The following SCAP variants were observed in gnomAD, a reference collection of about 807,000 sequenced individuals.
The protein encoded by SCAP is sterol regulatory element-binding protein cleavage-activating protein.
SCAP carries 65 observed loss-of-function variants against 123.6 expected under a neutral mutation model. That is an observed-to-expected ratio of 0.53 (90% CI 0.43 to 0.65). SCAP has a LOEUF of 0.65. SCAP is among the 30% of genes least tolerant of loss of function. The pLI, the probability that SCAP is intolerant of heterozygous loss-of-function variation, is 0.00. For missense variants in SCAP, 1,398 were observed against 1,712.5 expected (o/e 0.82, Z 3.24); for synonymous variants, 740 against 726.3 (o/e 1.02, Z -0.30).
chr3:47,469,957 C>T lies in SCAP; in HGVS notation c.-99+5842G>A, dbSNP rs150740890. 896 of 368,446 alleles carry T rather than the reference C, an allele frequency of 2.4e-3. 9 individuals carry two copies. Among genetic ancestry groups the T allele is most frequent in the African/African-American group, 0.018 (847 of 46,216 alleles). 22.8% of individuals were successfully genotyped at this position (368,446 alleles called of 1,614,324 possible). On this transcript the variant is annotated intron_variant, in intron 1 of 22. Coordinates refer to ENST00000265565, the MANE Select transcript of SCAP (RefSeq NM_012235.4). ...AGCTCTACTATTGTGAAGAGAGAAG[C>T]GGTTTTGAAAGAAATGCTTTTAAAT...
rs1467017180 is a variant in SCAP at position 47,418,775 on chromosome 3, C to T, written c.2009G>A (p.Arg670Gln). ...GGCACTGCGGCCGTCCTGAGGGTGC[C>T]GGCCCTCCAGAGCCTCCCTCGGGTT... is the stretch of plus-strand genomic sequence containing the variant. ...RLNPREALEG[R>Q]HPQDGRSAWP... The change falls in exon 14 of 23, where the codon CGG becomes CAG. Residue 670 changes from arginine (R) to glutamine (Q), a missense_variant. By Grantham distance (43) the Arg-to-Gln change is conservative. Around this residue, in one of 7 missense-constraint regions of SCAP, gnomAD observed 828 missense variants for 882.5 expected, o/e 0.94. Coordinates refer to ENST00000265565, the MANE Select transcript of SCAP (RefSeq NM_012235.4). 1.3e-5 allele frequency: 21 copies of T among 1,571,614 alleles called. No homozygotes were observed. Among genetic ancestry groups the T allele is most frequent in the African/African-American group, 2.7e-5 (2 of 73,014 alleles).
chr3:47,460,504 C>T (rs1165123449), intron 1 of SCAP, among the ~76,000 whole-genome samples: 1 of 152,190 alleles, frequency 6.6e-6, no homozygotes, highest in Non-Finnish European at 1.5e-5. Flanking sequence ...TCCCTCCGTT[C>T]GGGGTCCCTG....
chr3:47,426,438 ATTTTATT>A (rs1706134043), intron 6 of SCAP, among the ~76,000 whole-genome samples: 1 of 151,430 alleles, frequency 6.6e-6, no homozygotes, highest in Non-Finnish European at 1.5e-5. Flanking sequence ...TTATTTATTT[ATTTTATT>A]TTTTATTTTT....
At position 47,414,565 on chromosome 3, in the gene SCAP, C is replaced by T. The variant is rs369499149; in HGVS notation, c.3387+7G>A. The T allele has an allele frequency of 4.0e-5, 65 of 1,613,290 alleles. 1 individual carries two copies. Among genetic ancestry groups the T allele is most frequent in the Middle Eastern group, 3.3e-4 (2 of 6,082 alleles). On this transcript the variant is annotated splice_region_variant and intron_variant, in intron 21 of 22. Coordinates refer to ENST00000265565, the MANE Select transcript of SCAP (RefSeq NM_012235.4). ...TGTACCCCCTACCCCACCTGCAGGCCGCTTACCTGGTCAATGTACACGGTC... is the reference window on the plus strand; with the variant it reads ...TGTACCCCCTACCCCACCTGCAGGCTGCTTACCTGGTCAATGTACACGGTC...
At chr3:47,465,119 A>T (rs1707775829) in intron 1 of SCAP, among the ~76,000 whole-genome samples, 1 of 152,196 alleles carries the variant, frequency 6.6e-6, no homozygotes. Flanking sequence ...CGTAAAATAA[A>T]GGGAAAGAAA....
chr3:47,456,160 T>C (rs1235688126), intron 1 of SCAP, among the ~76,000 whole-genome samples: 3 of 152,192 alleles, frequency 2.0e-5, no homozygotes, highest in Admixed American at 6.5e-5. Context: ...CCCAGCACTT[T>C]GGGAAGTCAA....
chr3:47,429,290 T>C (rs965174902), intron 3 of SCAP, among the ~76,000 whole-genome samples: 31 of 152,226 alleles, frequency 2.0e-4, no homozygotes, highest in Non-Finnish European at 4.0e-4. Context: ...CAATAACACA[T>C]CTACTATGGG....
At chr3:47,434,552 A>C (rs1706492720) in intron 3 of SCAP, among the ~76,000 whole-genome samples, 1 of 152,120 alleles carries the variant, frequency 6.6e-6, no homozygotes, top group East Asian at 1.9e-4. Context: ...CAAACTAAAT[A>C]ACTGGCCAGG....
chr3:47,443,029 G>A lies in SCAP; in HGVS notation c.-36C>T, dbSNP rs775918165. 7 of 1,612,350 alleles carry A rather than the reference G, an allele frequency of 4.3e-6. No individual in the cohort carries two copies. In the East Asian group the frequency reaches 1.6e-4, roughly 36 times the overall value. On this transcript the variant is annotated 5_prime_UTR_variant, in exon 2 of 23. Transcript: ENST00000265565. ...AGTCACCTTGCTGCCATCCCGGAAA[G>A]TGACCATGGATCACCCTGGCACACA...
chr3:47,449,630 C>T lies in SCAP; in HGVS notation c.-98-6539G>A, dbSNP rs760056381. ...TTCCTGACCCATGAGGATCCCCTTTCCTGCTCCTCAAACTAGAAAGATGGC... is the reference window on the plus strand; with the variant it reads ...TTCCTGACCCATGAGGATCCCCTTTTCTGCTCCTCAAACTAGAAAGATGGC... On this transcript the variant is annotated intron_variant, in intron 1 of 22. Transcript: ENST00000265565. 5.1e-4 allele frequency among the ~76,000 whole-genome samples: 64 copies of T among 124,852 alleles called. 22 individuals carry two copies. The highest frequency in any genetic ancestry group is 8.5e-3 in the Middle Eastern group (2 of 234). The allele number at this position is 124,852 out of a possible 152,430, so 81.9% of individuals were successfully genotyped here.
intron 1 of SCAP, among the ~76,000 whole-genome samples, chr3:47,469,091 C>G (rs1023902028): frequency 2.0e-5 from 3 of 152,202 alleles, no homozygotes; most frequent in Non-Finnish European, 4.4e-5. Context: ...CTCACACCTG[C>G]AATCCCAGCA....
chr3:47,422,077 T>C (rs12636851), intron 10 of SCAP, among the ~76,000 whole-genome samples: 57,599 of 152,266 alleles, frequency 0.38, 11,271 homozygotes, highest in East Asian at 0.53. Flanking sequence ...CCCTCAAAAA[T>C]GGGAAACAGG....
In SCAP at chr3:47,428,646, C is replaced by T; in HGVS notation, c.277G>A (p.Val93Ile). The change falls in exon 4 of 23, where the codon GTC becomes ATC. Residue 93 changes from valine (V) to isoleucine (I), a missense_variant. Physicochemically the swap from Val to Ile is conservative, Grantham distance 29. Transcript: ENST00000265565. Reference sequence around the variant, plus strand: ...GAGGACTTCACAAATATCTGCTGGACATAAGCCACCGGGGCACCCACATAC... The same window carrying T: ...GAGGACTTCACAAATATCTGCTGGATATAAGCCACCGGGGCACCCACATAC... ...EWYVGAPVAY[V>I]QQIFVKSSVF... 1.2e-6 allele frequency: 2 copies of T among 1,614,082 alleles called. No homozygotes were observed. The highest frequency in any genetic ancestry group is 2.2e-5 in the South Asian group (2 of 91,082).
intron 18 of SCAP, among the ~76,000 whole-genome samples, chr3:47,416,845 C>T (rs1157220935): frequency 4.0e-5 from 6 of 151,814 alleles, no homozygotes; most frequent in African/African-American, 1.5e-4. Flanking sequence ...CCGGGATGGT[C>T]TCGATCTCCT....
At chr3:47,442,426 A>G (rs1706843392) in intron 2 of SCAP, among the ~76,000 whole-genome samples, 1 of 152,242 alleles carries the variant, frequency 6.6e-6, no homozygotes, top group African/African-American at 2.4e-5. Context: ...GAAAATGACT[A>G]GAGAGCAAAG....
chr3:47,418,438 G>A lies in SCAP; in HGVS notation c.2214C>T (p.Tyr738=), dbSNP rs746555026. The A allele has an allele frequency of 5.2e-5, 83 of 1,591,670 alleles. No individual in the cohort carries two copies. The highest frequency in any genetic ancestry group is 1.7e-4 in the Middle Eastern group (1 of 6,058). The change falls in exon 15 of 23, where the codon TAC becomes TAT. Residue 738 remains tyrosine (Y), a synonymous_variant. Coordinates refer to ENST00000265565, the MANE Select transcript of SCAP (RefSeq NM_012235.4). ...GCCCGGGCCCACCACCCAGCTGCCC[G>A]TAGTTGCGCGGGCATAGCACGCGGT... ...CLYRVLCPRN[Y]GQLGGGPGRR...
chr3:47,455,525 G>A (rs1368756750), intron 1 of SCAP, among the ~76,000 whole-genome samples: 3 of 150,168 alleles, frequency 2.0e-5, no homozygotes, highest in Non-Finnish European at 4.4e-5. Flanking sequence ...AACCTGGGAG[G>A]TGGAGGTTGC....
At chr3:47,421,052 TG>T (rs538169049) in intron 10 of SCAP, 23 bp from the exon 11 acceptor site, 84 of 1,592,984 alleles carry the variant, frequency 5.3e-5, no homozygotes, top group South Asian at 3.6e-4. Flanking sequence ...CACATGGGGA[TG>T]GGGGGGTGCC....
intron 1 of SCAP, among the ~76,000 whole-genome samples, chr3:47,464,884 A>G (rs1707768946): frequency 6.6e-6 from 1 of 152,078 alleles, no homozygotes; most frequent in Admixed American, 6.6e-5. Flanking sequence ...TAAAGATTAC[A>G]CACACACACA....
Sources: gnomAD v4.1 joint callset for allele counts (sites outside exome capture counted in the v4.1 genomes callset) on GRCh38, gnomAD v4.1.1 for gene constraint, gnomAD v4.1.1 regional missense constraint, MANE v1.5 for transcripts, NCBI Gene and HGNC (gene_info 2026-07-23, HGNC 2026-07-21) for gene names.